The following RAP1GAP2 variants were observed in gnomAD, a reference collection of about 807,000 sequenced individuals.
RAP1GAP2 encodes rap1 GTPase-activating protein 2.
In RAP1GAP2, 27 loss-of-function variants were observed where a neutral mutation model predicts 95.0. The observed-to-expected ratio is 0.28, with a 90% confidence interval of 0.21 to 0.39. RAP1GAP2 has a LOEUF of 0.39. Ranked by LOEUF, RAP1GAP2 falls within the 10% of genes least tolerant of loss-of-function variation. RAP1GAP2 has a pLI of 1.00. For missense variants in RAP1GAP2, 771 were observed against 970.0 expected (o/e 0.79, Z 2.72); for synonymous variants, 373 against 380.9 (o/e 0.98, Z 0.24).
chr17:2,944,763 T>TG (rs2043643268), intron 3 of RAP1GAP2, among the ~76,000 whole-genome samples: 1 of 152,242 alleles, frequency 6.6e-6, no homozygotes, highest in Non-Finnish European at 1.5e-5. Context: ...TCCATGAACA[T>TG]GGAATGTCGT....
chr17:2,783,853 A>G (rs963901058), intron 1 of RAP1GAP2, among the ~76,000 whole-genome samples: 2 of 152,326 alleles, frequency 1.3e-5, no homozygotes, highest in South Asian at 4.1e-4. Flanking sequence ...TCCTCTGCAC[A>G]TGGGCCTCTC....
At chr17:2,849,376 C>G (rs746608929) in intron 2 of RAP1GAP2, among the ~76,000 whole-genome samples, 4 of 152,306 alleles carry the variant, frequency 2.6e-5, no homozygotes, top group East Asian at 1.9e-4. Context: ...GAGGTGGCGT[C>G]TGCTGCAGGC....
chr17:2,969,818 C>A (rs770274595), intron 8 of RAP1GAP2, among the ~76,000 whole-genome samples: 13 of 151,830 alleles, frequency 8.6e-5, no homozygotes, highest in Non-Finnish European at 1.3e-4. Context: ...TATATATATT[C>A]TTATTTCCTT....
intron 13 of RAP1GAP2, 94 bp from the exon 14 acceptor site, chr17:2,998,126 TC>T: frequency 7.3e-7 from 1 of 1,364,092 alleles, no homozygotes; most frequent in Non-Finnish European, 1.0e-6. Context: ...AATTCAGTTT[TC>T]CTGTGTGCAA....
chr17:2,978,223 T>C (rs1326250993), intron 8 of RAP1GAP2, among the ~76,000 whole-genome samples: 4 of 152,232 alleles, frequency 2.6e-5, no homozygotes. Context: ...TTAAGAACTT[T>C]CACCTTTCGA....
Position 2,995,409 on chromosome 17 carries a change from G to A in RAP1GAP2, c.987G>A (p.Arg329=). Residue 329 remains arginine, a synonymous_variant, in exon 13 of 25, where the codon AGG becomes AGA. Coordinates refer to ENST00000254695, the MANE Select transcript of RAP1GAP2 (RefSeq NM_015085.5). ...VESVYTTFRD[R]EIMFHVSTKL... ...CAGTGTACACAACATTCCGGGACAG[G>A]GAGATCATGTTTCACGTTTCCACAA... 1.2e-6 allele frequency: 2 copies of A among 1,614,000 alleles called. No individual in the cohort carries two copies. Among genetic ancestry groups the A allele is most frequent in the South Asian group, 1.1e-5 (1 of 91,088 alleles).
At chr17:2,880,290 C>T (rs1386624171) in intron 2 of RAP1GAP2, among the ~76,000 whole-genome samples, 4 of 115,292 alleles carry the variant, frequency 3.5e-5, no homozygotes, top group East Asian at 2.9e-4. Context: ...CTGTGTAGAC[C>T]GGTTGGGGCA....
chr17:2,770,503 G>A (rs1380000549), intron 2 of RAP1GAP2: 1 of 398,372 alleles, frequency 2.5e-6, no homozygotes, highest in Admixed American at 4.4e-5. Flanking sequence ...AGGCCTCTCA[G>A]CTGGTACTTA....
At position 2,946,217 on chromosome 17, in the gene RAP1GAP2, A is replaced by G. The variant is rs28751908; in HGVS notation, c.166-11542A>G. ...TACTTCGTTGAGGATGTCTGACTCT[A>G]TCCATAAAGATACTGGCCTGTAGTT... On this transcript the variant is annotated intron_variant, in intron 3 of 24. Transcript: ENST00000254695. Among the ~76,000 whole-genome samples, 1,425 of 152,320 alleles carry G rather than the reference A, an allele frequency of 9.4e-3. 16 individuals carry two copies. The highest frequency in any genetic ancestry group is 0.032 in the African/African-American group (1,316 of 41,550).
At chr17:2,792,050 G>A (rs2068939380), upstream of RAP1GAP2, among the ~76,000 whole-genome samples, 1 of 151,736 alleles carries the variant, frequency 6.6e-6, no homozygotes, top group African/African-American at 2.4e-5. Flanking sequence ...AGTAGAGGTG[G>A]GGTTTCACCA....
chr17:2,898,828 C>T (rs2041927392), intron 2 of RAP1GAP2, among the ~76,000 whole-genome samples: 1 of 149,678 alleles, frequency 6.7e-6, no homozygotes, highest in African/African-American at 2.5e-5. Flanking sequence ...TCATAACGCC[C>T]CATGAGGCGA....
At position 3,027,211 on chromosome 17, in the gene RAP1GAP2, C is replaced by A; in HGVS notation, c.2107+141C>A. On this transcript the variant is annotated intron_variant, in intron 22 of 24. Transcript: ENST00000254695. The surrounding 1 kb of genome is among the most constrained non-coding windows in gnomAD (Gnocchi z 5.2). ...TGTGAGGCCCTCCGCTCTGTGCGCC[C>A]GCCTCTTCTGTTCATCAGCCTTAAG... 9.1e-7 allele frequency: 1 copy of A among 1,101,226 alleles called. No homozygotes were observed. Among genetic ancestry groups the A allele is most frequent in the East Asian group, 2.9e-5 (1 of 34,540 alleles). 68.2% of individuals were successfully genotyped at this position (1,101,226 alleles called of 1,614,324 possible).
intron 1 of RAP1GAP2, among the ~76,000 whole-genome samples, chr17:2,783,920 A>C (rs1459970375): frequency 6.6e-6 from 1 of 152,228 alleles, no homozygotes; most frequent in African/African-American, 2.4e-5. Flanking sequence ...GGCTGAGCTA[A>C]GGGACAAGCA....
chr17:2,800,483 A>G (rs756438739), intron 1 of RAP1GAP2, 32 bp from the exon 2 acceptor site: 1 of 1,607,818 alleles, frequency 6.2e-7, no homozygotes, highest in South Asian at 1.1e-5. Context: ...CAGCCTCAGC[A>G]CTGACCGGAG....
At chr17:2,787,647 A>G (rs2068819300) in intron 1 of RAP1GAP2, among the ~76,000 whole-genome samples, 1 of 152,036 alleles carries the variant, frequency 6.6e-6, no homozygotes, top group African/African-American at 2.4e-5. Flanking sequence ...AGCTCACTGC[A>G]AGCTGCCTCT....
intron 17 of RAP1GAP2, among the ~76,000 whole-genome samples, chr17:3,015,300 C>T (rs1426191784): frequency 2.0e-5 from 3 of 152,096 alleles, no homozygotes; most frequent in Non-Finnish European, 4.4e-5. Flanking sequence ...GGCTACACAC[C>T]TCACTGTCAG....
At chr17:2,819,313 C>G (rs534801973) in intron 2 of RAP1GAP2, among the ~76,000 whole-genome samples, 58 of 151,114 alleles carry the variant, frequency 3.8e-4, no homozygotes, top group Middle Eastern at 3.4e-3. Flanking sequence ...AGCCACCATG[C>G]CTTGCTTTTT....
Position 2,857,862 on chromosome 17 carries a change from G to T in RAP1GAP2, c.81-47422G>T, listed in dbSNP as rs1567715139. Among the ~76,000 whole-genome samples, 1 of 152,222 alleles carries T rather than the reference G, an allele frequency of 6.6e-6. No homozygotes were observed. The highest frequency in any genetic ancestry group is 6.5e-5 in the Admixed American group (1 of 15,280). ...CGCCTGTAATCCCAGCACTTTGGGA[G>T]GCCGAGGTGGGTGGACCACCTGAGG... On this transcript the variant is annotated intron_variant, in intron 2 of 24. Coordinates refer to ENST00000254695, the MANE Select transcript of RAP1GAP2 (RefSeq NM_015085.5). This position sits in a 1 kb window ranked among gnomAD's most constrained non-coding sequence, Gnocchi z 4.0.
intron 12 of RAP1GAP2, 85 bp downstream of exon 12, chr17:2,991,482 G>T (rs1048296536): frequency 1.9e-6 from 2 of 1,038,932 alleles, no homozygotes; most frequent in Non-Finnish European, 2.9e-6. Context: ...CAGGGAGCAC[G>T]TGTGAGTTAA....
Sources: gnomAD v4.1 joint callset for allele counts (sites outside exome capture counted in the v4.1 genomes callset) on GRCh38, gnomAD v4.1.1 for gene constraint, Gnocchi (gnomAD v3.1) non-coding constraint, MANE v1.5 for transcripts, NCBI Gene and HGNC (gene_info 2026-07-23, HGNC 2026-07-21) for gene names.